The following SYK variants were observed in gnomAD, a reference collection of about 807,000 sequenced individuals.
SYK encodes the protein spleen associated tyrosine kinase.
Under a neutral mutation model 77.8 loss-of-function variants are expected in SYK, and 16 were observed. The ratio of observed to expected loss-of-function variants is 0.21; its 90% CI spans 0.14 to 0.31. The LOEUF is 0.31. Among genes scored for constraint, SYK ranks in the 10% least tolerant of loss-of-function variants. SYK has a pLI of 1.00. For missense variants in SYK, 529 were observed against 814.4 expected (o/e 0.65, Z 4.26); for synonymous variants, 312 against 308.7 (o/e 1.01, Z -0.11).
chr9:90,830,145 CCTGCAAA>C (rs1374533643), intron 1 of SYK, among the ~76,000 whole-genome samples: 1 of 152,238 alleles, frequency 6.6e-6, no homozygotes, highest in Non-Finnish European at 1.5e-5. Flanking sequence ...CCCATGTATG[CCTGCAAA>C]TATGGGAGAG....
chr9:90,895,619 G>C lies in SYK; in HGVS notation c.*19G>C. The C allele has an allele frequency of 6.2e-7, 1 of 1,611,924 alleles. No individual in the cohort carries two copies. Among genetic ancestry groups the C allele is most frequent in the Non-Finnish European group, 8.5e-7 (1 of 1,178,210 alleles). On this transcript the variant is annotated 3_prime_UTR_variant, in exon 14 of 14. Transcript: ENST00000375754. The surrounding 1 kb of genome is among the most constrained non-coding windows in gnomAD (Gnocchi z 4.4). Reference sequence around the variant, plus strand: ...GAACTAACCGCTCCCGCACCTGTCGGTGGCTGCCTTTGATCACAGGAGCAA... The same window carrying C: ...GAACTAACCGCTCCCGCACCTGTCGCTGGCTGCCTTTGATCACAGGAGCAA...
intron 3 of SYK, among the ~76,000 whole-genome samples, chr9:90,858,057 T>C (rs922192213): frequency 1.3e-5 from 2 of 152,182 alleles, no homozygotes; most frequent in Admixed American, 1.3e-4. Flanking sequence ...GAGGCCACCT[T>C]GAGTGCCTCA....
At chr9:90,874,962 C>A in intron 9 of SYK, 113 bp downstream of exon 9, 4 of 1,244,654 alleles carry the variant, frequency 3.2e-6, no homozygotes, top group Non-Finnish European at 4.5e-6. Context: ...ATTAATGCTA[C>A]CATTCTTGTT....
rs1317401345 is a variant in SYK at position 90,874,279 on chromosome 9, G to A, written c.991G>A (p.Ala331Thr). ...GTATGAGCCAGAACTTGCACCCTGG[G>A]CTGCAGACAAAGGTGAGACTTCCTT... ...NPYEPELAPW[A>T]ADKGPQREAL... The change falls in exon 8 of 14, where the codon GCT becomes ACT. Residue 331 changes from alanine (A) to threonine (T), a missense_variant. Ala to Thr is a moderately conservative substitution (Grantham distance 58). Transcript: ENST00000375754. 2 of 1,614,196 alleles carry A rather than the reference G, an allele frequency of 1.2e-6. No individual in the cohort carries two copies. The highest frequency in any genetic ancestry group is 3.3e-5 in the Admixed American group (2 of 60,030).
chr9:90,864,586 C>T lies in SYK; in HGVS notation c.718-3C>T, dbSNP rs2118800837. The stretch of plus-strand genomic sequence containing the variant: ...ACCACTTTCTTACTTTTTTCTCTTT[C>T]AGCTAGTCGAGCATTATTCTTATAA... On this transcript the variant is annotated splice_polypyrimidine_tract_variant and splice_region_variant and intron_variant, in intron 4 of 13. Transcript: ENST00000375754. The T allele has an allele frequency of 6.2e-7, 1 of 1,613,170 alleles. No individual in the cohort carries two copies. The highest frequency in any genetic ancestry group is 1.1e-5 in the South Asian group (1 of 90,896).
In SYK at chr9:90,884,934, C is replaced by CATATGTGTATATATATACACACAT. The variant is rs1828499016; in HGVS notation, c.1582-2797_1582-2774dup. Among the ~76,000 whole-genome samples, 5 of 33,166 alleles carry CATATGTGTATATATATACACACAT rather than the reference C, an allele frequency of 1.5e-4. 1 individual carries two copies. Among genetic ancestry groups the CATATGTGTATATATATACACACAT allele is most frequent in the Admixed American group, 6.7e-4 (2 of 2,978 alleles). The allele number at this position is 33,166 out of a possible 152,430, so 21.8% of individuals were successfully genotyped here. A position where few individuals can be genotyped will look rare whatever the true frequency, so the allele number is the denominator to read the frequency against. ...ATATATACATATATATACATATGCA[C>CATATGTGTATATATATACACACAT]ATATGTGTATATATATACACACATA... On this transcript the variant is annotated intron_variant, in intron 11 of 13. Transcript: ENST00000375754.
intron 1 of SYK, among the ~76,000 whole-genome samples, chr9:90,840,781 G>T (rs1448926121): frequency 3.3e-5 from 5 of 152,314 alleles, no homozygotes; most frequent in South Asian, 2.1e-4. Context: ...ATAGTCAACT[G>T]CTGTGAGAGG....
chr9:90,855,532 T>C (rs1160306985), intron 3 of SYK, among the ~76,000 whole-genome samples: 2 of 152,204 alleles, frequency 1.3e-5, no homozygotes, highest in African/African-American at 4.8e-5. Flanking sequence ...CTGTATCTTC[T>C]AGTCCTTAGC....
chr9:90,806,360 T>A lies in SYK; in HGVS notation c.-42+4467T>A, dbSNP rs1200669030. ...TATACATACAGTAATACCTGAAGAA[T>A]GTTTGGAGGATATTTGGTGTGGGAC... On this transcript the variant is annotated intron_variant, in intron 1 of 13. Transcript: ENST00000375754. Among the ~76,000 whole-genome samples the A allele has an allele frequency of 2.0e-5, 3 of 152,098 alleles. No individual in the cohort carries two copies. The East Asian group carries it at 5.8e-4, about 29-fold the overall frequency.
Position 90,838,711 on chromosome 9 carries a change from G to GA in SYK, c.-41-5140dup, listed in dbSNP as rs908838123. ...TTGGAATGAAGTAGTGTCACACATG[G>GA]AAAAAAATAACTGGGAATGTTGAAT... is the stretch of plus-strand genomic sequence containing the variant. On this transcript the variant is annotated intron_variant, in intron 1 of 13. Coordinates refer to ENST00000375754, the MANE Select transcript of SYK (RefSeq NM_003177.7). Among the ~76,000 whole-genome samples the GA allele has an allele frequency of 4.1e-4, 62 of 152,120 alleles. 2 individuals are homozygous for GA. The highest frequency in any genetic ancestry group is 7.4e-5 in the Non-Finnish European group (5 of 68,018).
intron 3 of SYK, among the ~76,000 whole-genome samples, chr9:90,848,592 C>G (rs1203396780): frequency 2.6e-5 from 4 of 152,248 alleles, no homozygotes; most frequent in Non-Finnish European, 5.9e-5. Flanking sequence ...CACTGTTCTT[C>G]TCGGGCCTTC....
At chr9:90,884,516 C>CAT (rs1828374388) in intron 11 of SYK, among the ~76,000 whole-genome samples, 1 of 108,218 alleles carries the variant, frequency 9.2e-6, no homozygotes, top group African/African-American at 3.3e-5. Flanking sequence ...TACATACATA[C>CAT]ACATACACAT....
At chr9:90,862,370 G>A (rs1827306707) in intron 4 of SYK, 26 bp downstream of exon 4, 1 of 1,610,160 alleles carries the variant, frequency 6.2e-7, no homozygotes, top group Non-Finnish European at 8.5e-7. Flanking sequence ...TCCCCACCTT[G>A]TGGGTAGAGT....
At chr9:90,820,641 A>G (rs937685436) in intron 1 of SYK, among the ~76,000 whole-genome samples, 22 of 151,832 alleles carry the variant, frequency 1.4e-4, no homozygotes, top group African/African-American at 5.3e-4. Context: ...CAGGCCACGA[A>G]ACCACTTTTT....
chr9:90,826,259 G>C (rs1825662747), intron 1 of SYK, among the ~76,000 whole-genome samples: 1 of 152,248 alleles, frequency 6.6e-6, no homozygotes, highest in Admixed American at 6.5e-5. Context: ...TGACCCTCCT[G>C]AGGCTCGATG....
intron 13 of SYK, among the ~76,000 whole-genome samples, chr9:90,891,911 C>T (rs1828808197): frequency 1.3e-5 from 2 of 152,130 alleles, no homozygotes; most frequent in African/African-American, 4.8e-5. Context: ...AGGGACTTCC[C>T]AGCCTCAATG....
At chr9:90,868,501 G>A (rs189607763) in intron 7 of SYK, among the ~76,000 whole-genome samples, 1 of 152,156 alleles carries the variant, frequency 6.6e-6, no homozygotes, top group Non-Finnish European at 1.5e-5. Flanking sequence ...TATACAAAGA[G>A]ATTCTAAAAA....
intron 11 of SYK, among the ~76,000 whole-genome samples, chr9:90,886,769 T>G (rs1828594700): frequency 1.3e-5 from 2 of 152,134 alleles, no homozygotes; most frequent in Admixed American, 6.5e-5. Context: ...CCAGCAAGTC[T>G]ACTATTGGGT....
intron 1 of SYK, among the ~76,000 whole-genome samples, chr9:90,823,677 C>G (rs290244): frequency 6.6e-6 from 1 of 152,020 alleles, no homozygotes; most frequent in African/African-American, 2.4e-5. Context: ...TCTCCAAAAT[C>G]TAAAAAAATA....
Sources: gnomAD v4.1 joint callset for allele counts (sites outside exome capture counted in the v4.1 genomes callset) on GRCh38, gnomAD v4.1.1 for gene constraint, Gnocchi (gnomAD v3.1) non-coding constraint, MANE v1.5 for transcripts, NCBI Gene and HGNC (gene_info 2026-07-23, HGNC 2026-07-21) for gene names.